Variants in SEC24D observed in about 807,000 individuals in gnomAD.
The protein encoded by SEC24D is protein transport protein Sec24D.
SEC24D carries 69 observed loss-of-function variants against 116.9 expected under a neutral mutation model. The observed-to-expected ratio is 0.59, with a 90% CI of 0.49 to 0.72. The LOEUF (loss-of-function observed/expected upper bound fraction) is 0.72, where lower values mean the gene tolerates loss of function less well. SEC24D is among the 30% of genes least tolerant of loss of function. The pLI, the probability that SEC24D is intolerant of heterozygous loss-of-function variation, is 0.00. For missense variants in SEC24D, 1,131 were observed against 1,264.1 expected (o/e 0.89, Z 1.60); for synonymous variants, 405 against 442.8 (o/e 0.91, Z 1.07).
chr4:118,783,201 C>T (rs931517623), intron 8 of SEC24D, among the ~76,000 whole-genome samples: 1 of 152,202 alleles, frequency 6.6e-6, no homozygotes, highest in African/African-American at 2.4e-5. Context: ...ACGCTCAGAG[C>T]TGCAGACGGG....
At chr4:118,738,527 T>G in intron 18 of SEC24D, 148 bp from the exon 19 acceptor site, 1 of 653,386 alleles carries the variant, frequency 1.5e-6, no homozygotes. Context: ...CATTTGCTAA[T>G]GGTCTCCTCT....
intron 4 of SEC24D, 88 bp downstream of exon 4, chr4:118,817,176 C>T: frequency 9.1e-7 from 1 of 1,098,456 alleles, no homozygotes; most frequent in South Asian, 1.7e-5. Context: ...GCCCTAGTTA[C>T]ATCTATTTTA....
chr4:118,737,557 T>C (rs1276140933), intron 19 of SEC24D, among the ~76,000 whole-genome samples: 1 of 152,226 alleles, frequency 6.6e-6, no homozygotes, highest in Non-Finnish European at 1.5e-5. Context: ...TTCCCATCTA[T>C]TGCTATTTTA....
intron 22 of SEC24D, among the ~76,000 whole-genome samples, chr4:118,724,561 T>A (rs1024093101): frequency 3.9e-5 from 6 of 152,202 alleles, no homozygotes; most frequent in African/African-American, 1.4e-4. Flanking sequence ...AAATTAATTA[T>A]TTAAATGAAT....
chr4:118,815,339 C>A, intron 5 of SEC24D, 112 bp downstream of exon 5: 1 of 1,427,526 alleles, frequency 7.0e-7, no homozygotes, highest in Non-Finnish European at 9.6e-7. Flanking sequence ...CAAAAACTAC[C>A]ATTTCTTAAA....
At chr4:118,812,205 C>A (rs2110520623) in intron 6 of SEC24D, among the ~76,000 whole-genome samples, 1 of 152,286 alleles carries the variant, frequency 6.6e-6, no homozygotes, top group East Asian at 1.9e-4. Context: ...TTGACACTAT[C>A]TATGATGGGC....
intron 8 of SEC24D, among the ~76,000 whole-genome samples, chr4:118,790,558 C>T (rs550118452): frequency 6.6e-6 from 1 of 152,122 alleles, no homozygotes; most frequent in South Asian, 2.1e-4. Flanking sequence ...ATTATACTGG[C>T]TGTGGGGATG....
intron 6 of SEC24D, among the ~76,000 whole-genome samples, chr4:118,813,073 T>G (rs1401973358): frequency 6.6e-6 from 1 of 152,158 alleles, no homozygotes; most frequent in Non-Finnish European, 1.5e-5. Flanking sequence ...CAAAATAATT[T>G]TATTAAGTTA....
At chr4:118,737,136 G>A (rs1383375425) in intron 19 of SEC24D, among the ~76,000 whole-genome samples, 1 of 152,222 alleles carries the variant, frequency 6.6e-6, no homozygotes, top group East Asian at 1.9e-4. Flanking sequence ...AATGTTTAAA[G>A]TGCTCATGAT....
chr4:118,751,209 G>C lies in SEC24D; in HGVS notation c.1707+787C>G, dbSNP rs1271621990. Among the ~76,000 whole-genome samples the C allele has an allele frequency of 6.9e-5, 7 of 101,110 alleles. No homozygotes were observed. In the South Asian group the frequency reaches 2.0e-3, roughly 29 times the overall value. 66.3% of individuals were successfully genotyped at this position (101,110 alleles called of 152,430 possible). On this transcript the variant is annotated intron_variant, in intron 13 of 22. Coordinates refer to ENST00000280551, the MANE Select transcript of SEC24D (RefSeq NM_014822.4). ...TTTTTTTTTTTTGAGATGTAGTTTC[G>C]CTCTTGTTGCCCAGGCTGGAGTGCA...
Position 118,797,759 on chromosome 4 carries a change from G to A in SEC24D, c.965C>T (p.Thr322Met), listed in dbSNP as rs199527760. 4.7e-5 allele frequency: 75 copies of A among 1,611,012 alleles called. No homozygotes were observed. Among genetic ancestry groups the A allele is most frequent in the African/African-American group, 1.3e-4 (10 of 74,896 alleles). The change falls in exon 8 of 23, where the codon ACG becomes ATG. Residue 322 changes from threonine (T) to methionine (M), a missense_variant. By Grantham distance (81) the Thr-to-Met change is moderately conservative. Coordinates refer to ENST00000280551, the MANE Select transcript of SEC24D (RefSeq NM_014822.4). ...IRCTTYCFPC[T>M]SDMAKQAQIP... ...CTGAGCTTGCTTAGCCATATCTGAC[G>A]TGCATGGAAAACAGTATGTTGTACA...
At chr4:118,749,326 T>C (rs1307581191) in intron 13 of SEC24D, among the ~76,000 whole-genome samples, 1 of 152,216 alleles carries the variant, frequency 6.6e-6, no homozygotes, top group Admixed American at 6.5e-5. Context: ...TTGCTGTTTA[T>C]CTTCATGACA....
At chr4:118,824,273 A>G (rs1166282146) in intron 3 of SEC24D, among the ~76,000 whole-genome samples, 2 of 152,014 alleles carry the variant, frequency 1.3e-5, no homozygotes, top group Non-Finnish European at 2.9e-5. Flanking sequence ...CAGCCTCTCC[A>G]GTAGCTAGGA....
intron 8 of SEC24D, among the ~76,000 whole-genome samples, chr4:118,795,750 G>A (rs1337671560): frequency 6.6e-6 from 1 of 152,188 alleles, no homozygotes; most frequent in Non-Finnish European, 1.5e-5. Context: ...TGGCTGCCAG[G>A]GAAGGGAGGT....
At chr4:118,803,271 T>C (rs1306663208) in intron 7 of SEC24D, among the ~76,000 whole-genome samples, 1 of 152,192 alleles carries the variant, frequency 6.6e-6, no homozygotes, top group Non-Finnish European at 1.5e-5. Flanking sequence ...GTTATATATA[T>C]AGATTTGACC....
intron 8 of SEC24D, among the ~76,000 whole-genome samples, chr4:118,794,030 GCA>G (rs543454547): frequency 1.5e-3 from 235 of 152,286 alleles, no homozygotes; most frequent in African/African-American, 5.1e-3. Flanking sequence ...ACTTTGGAAA[GCA>G]CAGAGATGAA....
At chr4:118,780,554 G>A (rs1424423429) in intron 8 of SEC24D, among the ~76,000 whole-genome samples, 1 of 152,182 alleles carries the variant, frequency 6.6e-6, no homozygotes, top group Non-Finnish European at 1.5e-5. Context: ...GCGTGATGTG[G>A]TACTGAGATG....
intron 2 of SEC24D, chr4:118,825,309 T>G (rs1304597242): frequency 6.9e-6 from 2 of 288,192 alleles, no homozygotes; most frequent in Non-Finnish European, 1.4e-5. Flanking sequence ...GATGAACAGC[T>G]GGGGGACTGC....
intron 8 of SEC24D, chr4:118,769,811 T>G (rs1420161551): frequency 6.6e-6 from 1 of 152,268 alleles, no homozygotes; most frequent in Admixed American, 6.5e-5. Context: ...TATGGTCGCT[T>G]CTGATCCACA....
Sources: gnomAD v4.1 joint callset for allele counts (sites outside exome capture counted in the v4.1 genomes callset) on GRCh38, gnomAD v4.1.1 for gene constraint, MANE v1.5 for transcripts, NCBI Gene and HGNC (gene_info 2026-07-23, HGNC 2026-07-21) for gene names.